Variants in USP40 observed in about 807,000 individuals in gnomAD.
USP40 encodes ubiquitin carboxyl-terminal hydrolase 40.
A neutral mutation model predicts 166.2 loss-of-function variants in USP40; 143 were observed. That is an observed-to-expected ratio of 0.86 (90% CI 0.75 to 0.99). The LOEUF (loss-of-function observed/expected upper bound fraction) is 0.99, where lower values mean the gene tolerates loss of function less well. Ranked by LOEUF, USP40 falls within the 50% of genes least tolerant of loss-of-function variation. The pLI is 0.00. For synonymous variants in USP40, 498 were observed against 524.0 expected, an observed-to-expected ratio of 0.95 and a Z score of 0.68; for missense variants, 1,444 against 1,479.7, an observed-to-expected ratio of 0.98 and a Z score of 0.40.
chr2:233,529,420 T>C lies in USP40; in HGVS notation c.1553+11A>G. The C allele has an allele frequency of 6.4e-7, 1 of 1,554,376 alleles. No individual in the cohort carries two copies. Among genetic ancestry groups the C allele is most frequent in the Non-Finnish European group, 8.7e-7 (1 of 1,147,228 alleles). On this transcript the variant is annotated intron_variant, in intron 12 of 31. Transcript: ENST00000678225. The stretch of plus-strand genomic sequence containing the variant: ...AATACTAGTCAAACTCTAAAAGCAA[T>C]TTAAAATTACCTTTTGGTTTGCAGT...
rs1366889863 is a variant in USP40 at position 233,529,448 on chromosome 2, A to C, written c.1536T>G (p.Ile512Met). The C allele has an allele frequency of 6.3e-7, 1 of 1,575,784 alleles. No homozygotes were observed. Among genetic ancestry groups the C allele is most frequent in the Admixed American group, 1.8e-5 (1 of 54,774 alleles). Residue 512 changes from isoleucine to methionine, a missense_variant, in exon 12 of 32, where the codon ATT (isoleucine) becomes ATG (methionine). Transcript: ENST00000678225. The part of the protein sequence containing the change: ...HLLNEMDAAN[I>M]ELQTKRAECD... ...AAAATTACCTTTTGGTTTGCAGTTC[A>C]ATGTTAGCTGCATCCATTTCATTCA...
intron 20 of USP40, among the ~76,000 whole-genome samples, chr2:233,511,410 A>C (rs780657356): frequency 3.5e-4 from 54 of 152,352 alleles, no homozygotes; most frequent in Non-Finnish European, 6.3e-4. Context: ...TAAAAATGTG[A>C]GAAAAAGAAG....
rs148210542 is a variant in USP40, at chr2:233,492,013, C to T, written c.2918-752G>A. 2.6e-5 allele frequency among the ~76,000 whole-genome samples: 4 copies of T among 152,314 alleles called. No homozygotes were observed. The East Asian group carries it at 7.7e-4, about 29-fold the overall frequency. On this transcript the variant is annotated intron_variant, in intron 25 of 31. Transcript: ENST00000678225. ...TTCCTCTTGTGTCTTAAGGAAATTA[C>T]AGGCTGACACTACCGGAAAGATAAT...
chr2:233,513,141 T>C (rs1219093201), intron 18 of USP40, among the ~76,000 whole-genome samples: 2 of 152,124 alleles, frequency 1.3e-5, no homozygotes, highest in Non-Finnish European at 1.5e-5. Flanking sequence ...TCTCATTGCA[T>C]AGCTTATAAT....
At position 233,556,942 on chromosome 2, in the gene USP40, G is replaced by A. The variant is rs778662254; in HGVS notation, c.459C>T (p.Ser153=). The change falls in exon 5 of 32, where the codon TCC becomes TCT. Residue 153 remains serine (S), a synonymous_variant. Transcript: ENST00000678225. ...SALETSLVGT[S]GHDLIYRLYH... Reference sequence around the variant, plus strand: ...ACAGACGATAGATGAGGTCATGACCGGAGGTCCCAACTAAAGAAGTTTCCA... The same window carrying A: ...ACAGACGATAGATGAGGTCATGACCAGAGGTCCCAACTAAAGAAGTTTCCA... The A allele has an allele frequency of 4.2e-5, 68 of 1,613,730 alleles. No individual in the cohort carries two copies. Among genetic ancestry groups the A allele is most frequent in the Admixed American group, 2.5e-4 (15 of 60,002 alleles).
chr2:233,555,735 A>C (rs2071021822), intron 5 of USP40, among the ~76,000 whole-genome samples: 1 of 150,312 alleles, frequency 6.7e-6, no homozygotes. Flanking sequence ...TCCCGGGTTC[A>C]AGCGATTCTC....
Position 233,512,831 on chromosome 2 carries a change from A to G in USP40, c.2384-209T>C, listed in dbSNP as rs928068463. On this transcript the variant is annotated intron_variant, in intron 18 of 31. Transcript: ENST00000678225. ...AACAACCAAAGAAAAAACCCCCAAA[A>G]TAAGTACAGGCAGTCTTTGTTTTGT... The G allele has an allele frequency of 2.1e-5, 6 of 283,738 alleles. No individual in the cohort carries two copies. The East Asian group carries it at 2.2e-4, about 11-fold the overall frequency. 17.6% of individuals were successfully genotyped at this position (283,738 alleles called of 1,614,324 possible). A position where few individuals can be genotyped will look rare whatever the true frequency, so the allele number is the denominator to read the frequency against.
intron 3 of USP40, 113 bp from the exon 4 acceptor site, chr2:233,560,037 T>A (rs959705274): frequency 1.6e-6 from 1 of 614,832 alleles, no homozygotes; most frequent in Non-Finnish European, 2.7e-6. Context: ...AGGAGAAAGT[T>A]TATAAATATC....
Position 233,494,919 on chromosome 2 carries a change from TATATATATATATA to T in USP40, c.2791-1381_2791-1369del, listed in dbSNP as rs2065587076. Reference sequence around the variant, plus strand: ...ACTCATATACAAGCAAAATGGCATATATATATATATATATATATATATATATATATATATATTT... The same window carrying T: ...ACTCATATACAAGCAAAATGGCATATTATATATATATATATATATATATTT... On this transcript the variant is annotated intron_variant, in intron 24 of 31. Coordinates refer to ENST00000678225, the MANE Select transcript of USP40 (RefSeq NM_001365479.2). 5.2e-4 allele frequency among the ~76,000 whole-genome samples: 42 copies of T among 80,284 alleles called. 1 individual carries two copies. The highest frequency in any genetic ancestry group is 4.3e-3 in the South Asian group (8 of 1,842). 52.7% of individuals were successfully genotyped at this position (80,284 alleles called of 152,430 possible). A position where few individuals can be genotyped will look rare whatever the true frequency, so the allele number is the denominator to read the frequency against.
In USP40 at chr2:233,510,004, T is replaced by C. The variant is rs1575259573; in HGVS notation, c.2613+45A>G. On this transcript the variant is annotated intron_variant, in intron 21 of 31. Coordinates refer to ENST00000678225, the MANE Select transcript of USP40 (RefSeq NM_001365479.2). ...ATACCACTGTTCCTCACAGCAAACA[T>C]ACAAACACACACAGCCTCTGAAAAC... 7 of 1,458,364 alleles carry C rather than the reference T, an allele frequency of 4.8e-6. No individual in the cohort carries two copies. The East Asian group carries it at 1.7e-4, about 36-fold the overall frequency. 90.3% of individuals were successfully genotyped at this position (1,458,364 alleles called of 1,614,324 possible).
intron 31 of USP40, among the ~76,000 whole-genome samples, chr2:233,478,419 G>T (rs1225026312): frequency 6.6e-6 from 1 of 152,182 alleles, no homozygotes; most frequent in Non-Finnish European, 1.5e-5. Flanking sequence ...CTTTTATCAT[G>T]AGTGAATGGC....
chr2:233,489,757 A>C (rs2065187087), intron 26 of USP40: 1 of 326,216 alleles, frequency 3.1e-6, no homozygotes, highest in Non-Finnish European at 5.6e-6. Flanking sequence ...CTTTTTAATC[A>C]TCATGTTTAA....
chr2:233,498,586 C>T lies in USP40; in HGVS notation c.2677G>A (p.Asp893Asn). Residue 893 changes from aspartate (D) to asparagine (N), a missense_variant, in exon 23 of 32, where the codon GAT (aspartate) becomes AAT (asparagine). Transcript: ENST00000678225. ...QGDAWHLRKM[D>N]WCYEAGEPLC... ...GGCTCTCCAGCTTCATAGCACCAAT[C>T]CATTTTTCGTAAATGCCAGGCATCT... 1 of 1,613,394 alleles carries T rather than the reference C, an allele frequency of 6.2e-7. No homozygotes were observed. Among genetic ancestry groups the T allele is most frequent in the Non-Finnish European group, 8.5e-7 (1 of 1,179,610 alleles).
chr2:233,500,877 G>A lies in USP40; in HGVS notation c.2614-962C>T, dbSNP rs532470389. ...TATAGGCACAGCAAAGGTCTGGAGG[G>A]ACACATACTCTGCTGATGTGGATAA... On this transcript the variant is annotated intron_variant, in intron 21 of 31. Coordinates refer to ENST00000678225, the MANE Select transcript of USP40 (RefSeq NM_001365479.2). 2.0e-5 allele frequency among the ~76,000 whole-genome samples: 3 copies of A among 152,262 alleles called. No homozygotes were observed. In the East Asian group the frequency reaches 5.8e-4, roughly 29 times the overall value.
chr2:233,489,309 C>T (rs1377311933), intron 27 of USP40, 56 bp downstream of exon 27: 2 of 1,472,754 alleles, frequency 1.4e-6, no homozygotes, highest in East Asian at 2.5e-5. Flanking sequence ...ATCCCTCACA[C>T]CAGCCAGTGC....
At chr2:233,555,192 CA>C (rs889673927) in intron 5 of USP40, among the ~76,000 whole-genome samples, 1 of 151,414 alleles carries the variant, frequency 6.6e-6, no homozygotes, top group Non-Finnish European at 1.5e-5. Flanking sequence ...GACTCCATCT[CA>C]AAAAAAAGAA....
chr2:233,490,600 C>T (rs2125065653), intron 26 of USP40, among the ~76,000 whole-genome samples: 1 of 152,334 alleles, frequency 6.6e-6, no homozygotes, highest in Non-Finnish European at 1.5e-5. Context: ...ATGCTCATTT[C>T]AGTCCAACAG....
intron 13 of USP40, 79 bp downstream of exon 13, chr2:233,527,328 T>C (rs1477743478): frequency 3.3e-6 from 5 of 1,494,776 alleles, no homozygotes; most frequent in Non-Finnish European, 4.5e-6. Flanking sequence ...TAAAGTTGTA[T>C]CCTAAACAGA....
Position 233,490,160 on chromosome 2 carries a change from C to CTTT in USP40, c.3013-680_3013-678dup, listed in dbSNP as rs545796570. ...AAGGCTGTCTGCTTTTTCTTTTCTC[C>CTTT]TTTTTTTTTTTTTTTTTTTTTGAGA... On this transcript the variant is annotated intron_variant, in intron 26 of 31. Coordinates refer to ENST00000678225, the MANE Select transcript of USP40 (RefSeq NM_001365479.2). Among the ~76,000 whole-genome samples, 53 of 131,678 alleles carry CTTT rather than the reference C, an allele frequency of 4.0e-4. 1 individual carries two copies. Among genetic ancestry groups the CTTT allele is most frequent in the South Asian group, 7.2e-4 (3 of 4,192 alleles). 86.4% of individuals were successfully genotyped at this position (131,678 alleles called of 152,430 possible).
Sources: gnomAD v4.1 joint callset for allele counts (sites outside exome capture counted in the v4.1 genomes callset) on GRCh38, gnomAD v4.1.1 for gene constraint, MANE v1.5 for transcripts, NCBI Gene and HGNC (gene_info 2026-07-23, HGNC 2026-07-21) for gene names.